The following NCOR1 variants were observed in gnomAD, a reference collection of about 807,000 sequenced individuals.
NCOR1 encodes the protein protein phosphatase 1, regulatory subunit 109.
A neutral mutation model predicts 288.1 loss-of-function variants in NCOR1; 63 were observed. The ratio of observed to expected loss-of-function variants is 0.22; its 90% CI spans 0.18 to 0.27. The LOEUF (loss-of-function observed/expected upper bound fraction) is 0.27. NCOR1 is among the 10% of genes least tolerant of loss of function. NCOR1 has a pLI of 1.00. For missense variants in NCOR1, 2,397 were observed against 3,019.2 expected, an observed-to-expected ratio of 0.79 and a Z score of 4.83; for synonymous variants, 1,007 against 1,065.9, an observed-to-expected ratio of 0.94 and a Z score of 1.08.
chr17:16,137,254 T>C, intron 14 of NCOR1, 57 bp downstream of exon 14: 1 of 1,132,366 alleles, frequency 8.8e-7, no homozygotes, highest in South Asian at 1.4e-5. Flanking sequence ...TTAACACTTT[T>C]TGCTTGCCTA....
At chr17:16,092,910 G>T (rs1340402425) in intron 21 of NCOR1, among the ~76,000 whole-genome samples, 4 of 150,382 alleles carry the variant, frequency 2.7e-5, no homozygotes, top group Non-Finnish European at 5.9e-5. Context: ...CGCCATGTTG[G>T]CCAGGCTGGT....
chr17:16,103,022 CT>C (rs1252959761), intron 19 of NCOR1, among the ~76,000 whole-genome samples: 5 of 152,210 alleles, frequency 3.3e-5, no homozygotes, highest in African/African-American at 1.2e-4. Context: ...TGTAACAGAT[CT>C]TTCCCCATAT....
At chr17:16,046,899 A>G in intron 42 of NCOR1, 52 bp downstream of exon 42, 1 of 1,597,870 alleles carries the variant, frequency 6.3e-7, no homozygotes, top group Non-Finnish European at 8.6e-7. Flanking sequence ...CACTGGAGAT[A>G]TCATTATTAA....
At chr17:16,046,822 A>G in intron 42 of NCOR1, 129 bp downstream of exon 42, 2 of 1,079,470 alleles carry the variant, frequency 1.9e-6, no homozygotes, top group South Asian at 1.7e-5. Context: ...AAGGAACTCT[A>G]GGATCAGATG....
intron 26 of NCOR1, among the ~76,000 whole-genome samples, chr17:16,077,961 C>G (rs777200723): frequency 1.3e-5 from 2 of 152,182 alleles, no homozygotes; most frequent in Non-Finnish European, 2.9e-5. Flanking sequence ...ATCAAACTGA[C>G]TACTAGGTTG....
intron 40 of NCOR1, among the ~76,000 whole-genome samples, chr17:16,056,525 A>T (rs1214969081): frequency 6.6e-6 from 1 of 151,668 alleles, no homozygotes; most frequent in African/African-American, 2.4e-5. Flanking sequence ...CATGTTGGCC[A>T]GGTTGGTCTT....
chr17:16,185,400 C>CTGGCGAGGTGCAG (rs1360057073), intron 3 of NCOR1, among the ~76,000 whole-genome samples: 5 of 151,806 alleles, frequency 3.3e-5, no homozygotes, highest in African/African-American at 1.2e-4. Flanking sequence ...AAAAAAAATT[C>CTGGCGAGGTGCAG]TGGCGAGGTG....
At chr17:16,200,887 G>A (rs2090701800) in intron 1 of NCOR1, among the ~76,000 whole-genome samples, 2 of 152,078 alleles carry the variant, frequency 1.3e-5, no homozygotes, top group South Asian at 4.1e-4. Flanking sequence ...TCCAACCTGG[G>A]GATAATTTAA....
At position 16,114,163 on chromosome 17, in the gene NCOR1, A is replaced by C. The variant is rs1225666613; in HGVS notation, c.2055+3725T>G. ...GCAGGCAAAAAAAAAAAAAAAAAAA[A>C]AAAAAACTTGTGCAGGGGAACTCCT... On this transcript the variant is annotated intron_variant, in intron 18 of 45. Transcript: ENST00000268712. Among the ~76,000 whole-genome samples the C allele has an allele frequency of 2.0e-5, 3 of 151,020 alleles. 1 individual carries two copies. The highest frequency in any genetic ancestry group is 2.1e-4 in the South Asian group (1 of 4,778).
intron 44 of NCOR1, 49 bp downstream of exon 44, chr17:16,039,384 G>A: frequency 6.4e-7 from 1 of 1,556,044 alleles, no homozygotes; most frequent in East Asian, 2.3e-5. Flanking sequence ...GAAATAAACT[G>A]GCTTTTTTGG....
At chr17:16,052,194 T>G (rs569464184) in intron 40 of NCOR1, among the ~76,000 whole-genome samples, 1 of 145,518 alleles carries the variant, frequency 6.9e-6, no homozygotes, top group African/African-American at 2.5e-5. Context: ...TTGTATTTCT[T>G]TTTTTTTTTT....
intron 17 of NCOR1, 64 bp downstream of exon 17, chr17:16,119,359 C>A: frequency 8.5e-7 from 1 of 1,179,696 alleles, no homozygotes; most frequent in South Asian, 1.3e-5. Flanking sequence ...TTCCATCTCA[C>A]TCATTACTAA....
chr17:16,198,049 G>A (rs2090155150), intron 1 of NCOR1: 1 of 151,870 alleles, frequency 6.6e-6, no homozygotes, highest in South Asian at 2.1e-4. Flanking sequence ...TCTGTATCTT[G>A]CTTTTATTAC....
chr17:16,070,140 A>G (rs2152720830), intron 31 of NCOR1, 25 bp downstream of exon 31: 3 of 1,553,212 alleles, frequency 1.9e-6, no homozygotes, highest in Non-Finnish European at 1.7e-6. Context: ...AAAAAGTATC[A>G]GACCAAGCAA....
chr17:16,195,683 T>C (rs1371265617), intron 1 of NCOR1, among the ~76,000 whole-genome samples: 1 of 152,140 alleles, frequency 6.6e-6, no homozygotes, highest in African/African-American at 2.4e-5. Flanking sequence ...TTCACCGCCT[T>C]CCCAGCTATT....
chr17:16,127,339 ATG>A (rs1555687649), intron 14 of NCOR1, among the ~76,000 whole-genome samples: 1 of 33,976 alleles, frequency 2.9e-5, no homozygotes, highest in African/African-American at 1.1e-4. Context: ...GTATATATAC[ATG>A]TATGTATATA....
At chr17:16,078,767 G>A (rs1426806259) in intron 26 of NCOR1, among the ~76,000 whole-genome samples, 1 of 152,032 alleles carries the variant, frequency 6.6e-6, no homozygotes, top group Non-Finnish European at 1.5e-5. Context: ...GTAGAGACGG[G>A]GTTTCACCAT....
chr17:16,200,139 T>C (rs958807380), intron 1 of NCOR1, among the ~76,000 whole-genome samples: 2 of 152,036 alleles, frequency 1.3e-5, no homozygotes, highest in African/African-American at 4.8e-5. Flanking sequence ...AATTTTTGCA[T>C]AACCAAAATG....
chr17:16,094,807 T>G (rs2066064884), intron 21 of NCOR1, among the ~76,000 whole-genome samples: 1 of 152,208 alleles, frequency 6.6e-6, no homozygotes, highest in African/African-American at 2.4e-5. Context: ...CCGCGAGTGA[T>G]CCACCAGCCT....
Sources: allele counts gnomAD v4.1 joint callset (sites outside exome capture counted in the v4.1 genomes callset), GRCh38; gene constraint gnomAD v4.1.1; transcripts MANE v1.5; gene names NCBI Gene and HGNC (gene_info 2026-07-23, HGNC 2026-07-21).